The following KLF8 variants were observed in gnomAD, a reference collection of about 807,000 sequenced individuals.
KLF8 encodes the protein Krueppel-like factor 8.
In KLF8, 10 loss-of-function variants were observed where a neutral mutation model predicts 18.2. The observed-to-expected ratio is 0.55, with a 90% CI of 0.34 to 0.93. The LOEUF is 0.93. KLF8 is among the 40% of genes least tolerant of loss of function. The pLI is 0.02. For missense variants in KLF8, 264 were observed against 277.9 expected (o/e 0.95, Z 0.36); for synonymous variants, 109 against 97.3 (o/e 1.12, Z -0.71).
At chrX:55,935,287 G>A in the KLF8 span, among the ~76,000 whole-genome samples, 2 of 111,471 alleles carry the variant, frequency 1.8e-5, no homozygotes, top group Non-Finnish European at 3.8e-5. Flanking sequence ...TCACTCCTGG[G>A]TATAGACTCT....
the KLF8 span, among the ~76,000 whole-genome samples, chrX:56,085,052 T>A: frequency 3.1e-4 from 35 of 111,881 alleles, no homozygotes; most frequent in Admixed American, 1.8e-3. Context: ...TTTGAAATGA[T>A]GATTTTAGAC....
the KLF8 span, among the ~76,000 whole-genome samples, chrX:56,058,289 T>TACATATATATATATATATATATAC: frequency 4.0e-5 from 1 of 25,234 alleles, no homozygotes; most frequent in African/African-American, 7.9e-5. Flanking sequence ...CATATATATA[T>TACATATATATATATATATATATAC]ATATATATAT....
chrX:56,027,722 G>C, the KLF8 span, among the ~76,000 whole-genome samples: 3 of 112,381 alleles, frequency 2.7e-5, no homozygotes, highest in Admixed American at 2.8e-4. Context: ...CCCATGGCTG[G>C]TCTCGAAGAT....
At chrX:56,020,495 A>G in the KLF8 span, among the ~76,000 whole-genome samples, 1 of 111,700 alleles carries the variant, frequency 9.0e-6, no homozygotes, top group Non-Finnish European at 1.9e-5. Context: ...ATGATATGGT[A>G]TCACCAATAT....
At chrX:56,003,377 C>G in the KLF8 span, among the ~76,000 whole-genome samples, 1 of 108,069 alleles carries the variant, frequency 9.3e-6, no homozygotes, top group East Asian at 2.8e-4. Context: ...GCCACTGCAC[C>G]CCAGCCTGGG....
the KLF8 span, among the ~76,000 whole-genome samples, chrX:55,932,824 G>A: frequency 9.0e-6 from 1 of 111,204 alleles, no homozygotes; most frequent in African/African-American, 3.3e-5. Context: ...TTCAGTCTTG[G>A]TGAATTTGAT....
At chrX:56,184,631 C>G in the KLF8 span, among the ~76,000 whole-genome samples, 4 of 111,684 alleles carry the variant, frequency 3.6e-5, no homozygotes, top group South Asian at 7.5e-4. Context: ...CCCCGAGTAG[C>G]GGCAGACTGA....
intron 5 of KLF8, among the ~76,000 whole-genome samples, chrX:56,270,808 T>TA (rs1270850177): frequency 2.9e-4 from 30 of 104,540 alleles, no homozygotes; most frequent in Admixed American, 1.9e-3. Context: ...TTGTTCACAT[T>TA]AAAAAAAAAA....
the KLF8 span, among the ~76,000 whole-genome samples, chrX:56,180,134 G>C: frequency 9.0e-6 from 1 of 111,275 alleles, no homozygotes; most frequent in African/African-American, 3.3e-5. Flanking sequence ...ACTTTTTTTG[G>C]TTGGTAGGCT....
chrX:56,147,232 T>G, the KLF8 span, among the ~76,000 whole-genome samples: 56 of 112,049 alleles, frequency 5.0e-4, no homozygotes, highest in East Asian at 6.7e-3. Flanking sequence ...GAACTGCTGC[T>G]AGTGGTGACG....
chrX:55,958,732 G>C, the KLF8 span, among the ~76,000 whole-genome samples: 1 of 112,432 alleles, frequency 8.9e-6, no homozygotes, highest in Non-Finnish European at 1.9e-5. Flanking sequence ...AAATATTATA[G>C]AGAGGATTTA....
At chrX:56,283,757 T>C (rs2067233758) in intron 5 of KLF8, among the ~76,000 whole-genome samples, 4 of 112,310 alleles carry the variant, frequency 3.6e-5, no homozygotes, top group Admixed American at 9.4e-5. Flanking sequence ...AGATCCCAGT[T>C]GTATTGGTTG....
At chrX:56,024,211 CTTTT>C in the KLF8 span, among the ~76,000 whole-genome samples, 1 of 94,312 alleles carries the variant, frequency 1.1e-5, no homozygotes, top group African/African-American at 4.1e-5. Context: ...TTTTTAATTT[CTTTT>C]TTTTTTTTTT....
chrX:56,272,614 A>C (rs1291067709), intron 5 of KLF8, among the ~76,000 whole-genome samples: 1 of 111,016 alleles, frequency 9.0e-6, no homozygotes, highest in Non-Finnish European at 1.9e-5. Flanking sequence ...ACTTGAAGGC[A>C]TTTCACAGAA....
At chrX:56,230,863 C>T (rs912958897), upstream of KLF8, among the ~76,000 whole-genome samples, 3 of 110,707 alleles carry the variant, frequency 2.7e-5, no homozygotes, top group South Asian at 3.9e-4. Context: ...ATATGTGCCC[C>T]GAGGTAGAGA....
At chrX:56,180,004 A>G in the KLF8 span, among the ~76,000 whole-genome samples, 80 of 111,382 alleles carry the variant, frequency 7.2e-4, no homozygotes, top group African/African-American at 2.6e-3. Flanking sequence ...TGCTGGCCCC[A>G]TAAAATGAGT....
chrX:55,993,125 T>G, the KLF8 span, among the ~76,000 whole-genome samples: 1 of 111,318 alleles, frequency 9.0e-6, no homozygotes, highest in Admixed American at 9.6e-5. Flanking sequence ...GTTAGCACTT[T>G]CAGTACTATG....
the KLF8 span, among the ~76,000 whole-genome samples, chrX:56,077,196 T>TCCA: frequency 1.8e-5 from 2 of 112,205 alleles, no homozygotes; most frequent in Admixed American, 1.9e-4. Flanking sequence ...TTTTGGTGTT[T>TCCA]TAGACATGAA....
At chrX:56,175,238 C>G in the KLF8 span, among the ~76,000 whole-genome samples, 2 of 111,878 alleles carry the variant, frequency 1.8e-5, no homozygotes, top group Non-Finnish European at 3.8e-5. Context: ...GCATTTAGTG[C>G]TATAAATTTC....
Sources: gnomAD v4.1 joint callset for allele counts (sites outside exome capture counted in the v4.1 genomes callset) on GRCh38, gnomAD v4.1.1 for gene constraint, MANE v1.5 for transcripts, NCBI Gene and HGNC (gene_info 2026-07-23, HGNC 2026-07-21) for gene names.